LRP1B: variants seen among roughly 807,000 people sequenced by gnomAD.
The protein encoded by LRP1B is low-density lipoprotein receptor-related protein 1B.
LRP1B carries 217 observed loss-of-function variants against 556.6 expected under a neutral mutation model. The observed-to-expected ratio is 0.39, with a 90% CI of 0.35 to 0.44. The LOEUF (loss-of-function observed/expected upper bound fraction) is 0.44. LRP1B is among the 20% of genes least tolerant of loss of function. LRP1B has a pLI of 1.00. For missense variants in LRP1B, 5,053 were observed against 5,620.8 expected, an observed-to-expected ratio of 0.90 and a Z score of 3.23; for synonymous variants, 2,047 against 1,865.8, an observed-to-expected ratio of 1.10 and a Z score of -2.50.
In LRP1B at chr2:141,989,490, G is replaced by GT; in HGVS notation, c.82+141157dup. 1.3e-5 allele frequency among the ~76,000 whole-genome samples: 2 copies of GT among 152,100 alleles called. 1 individual carries two copies. Among genetic ancestry groups the GT allele is most frequent in the South Asian group, 4.1e-4 (2 of 4,824 alleles). ...ATATTACATTTTTATATATATGTCA[G>GT]TTTTTCTATTTTATATTCTTTTAAG... is the stretch of plus-strand genomic sequence containing the variant. On this transcript the variant is annotated intron_variant, in intron 1 of 90. Coordinates refer to ENST00000389484, the MANE Select transcript of LRP1B (RefSeq NM_018557.3).
chr2:141,552,546 C>T (rs1480228723), intron 2 of LRP1B, among the ~76,000 whole-genome samples: 1 of 152,060 alleles, frequency 6.6e-6, no homozygotes, highest in Non-Finnish European at 1.5e-5. Flanking sequence ...GATTCTTCCA[C>T]AGCTTACCTA....
intron 2 of LRP1B, among the ~76,000 whole-genome samples, chr2:141,665,304 C>T (rs1690384015): frequency 6.6e-6 from 1 of 152,112 alleles, no homozygotes; most frequent in African/African-American, 2.4e-5. Context: ...AGAAGACATA[C>T]ATGCAGCCAA....
intron 25 of LRP1B, among the ~76,000 whole-genome samples, chr2:140,879,243 A>C (rs955765258): frequency 6.6e-6 from 1 of 152,160 alleles, no homozygotes; most frequent in African/African-American, 2.4e-5. Context: ...TGGAGAGTCC[A>C]ACTATCCATC....
chr2:140,726,212 G>A (rs1316249518), intron 35 of LRP1B, among the ~76,000 whole-genome samples: 1 of 152,088 alleles, frequency 6.6e-6, no homozygotes, highest in Non-Finnish European at 1.5e-5. Flanking sequence ...TAGTGGTTCA[G>A]TACTAAAGAG....
At chr2:141,362,846 A>G (rs1341661073) in intron 3 of LRP1B, among the ~76,000 whole-genome samples, 1 of 151,770 alleles carries the variant, frequency 6.6e-6, no homozygotes, top group Non-Finnish European at 1.5e-5. Flanking sequence ...TAACGTAATG[A>G]TGTGTTTCAT....
chr2:141,329,702 G>A (rs187434390), intron 3 of LRP1B, among the ~76,000 whole-genome samples: 177 of 151,982 alleles, frequency 1.2e-3, no homozygotes, highest in African/African-American at 4.0e-3. Context: ...GAGGCTTAGG[G>A]TAAGGATACC....
At chr2:141,447,626 C>CTA (rs1559075304) in intron 3 of LRP1B, among the ~76,000 whole-genome samples, 4 of 152,266 alleles carry the variant, frequency 2.6e-5, no homozygotes, top group Admixed American at 1.3e-4. Context: ...GATGTTGATG[C>CTA]TATTCCTTTC....
intron 15 of LRP1B, among the ~76,000 whole-genome samples, chr2:140,998,975 G>C (rs1337371642): frequency 1.3e-5 from 2 of 151,992 alleles, no homozygotes; most frequent in African/African-American, 4.8e-5. Flanking sequence ...AGTAATGAGA[G>C]GTTAGTGGCA....
intron 3 of LRP1B, among the ~76,000 whole-genome samples, chr2:141,476,719 C>A (rs967478829): frequency 2.0e-4 from 30 of 152,066 alleles, no homozygotes; most frequent in African/African-American, 6.8e-4. Context: ...TCAGTTGATA[C>A]AAAAACATTC....
chr2:141,083,255 G>A (rs1472817948), intron 7 of LRP1B, among the ~76,000 whole-genome samples: 2 of 151,920 alleles, frequency 1.3e-5, no homozygotes, highest in Admixed American at 6.6e-5. Flanking sequence ...TTGAGAAGTA[G>A]TATTCTAGCA....
At chr2:140,720,177 T>C (rs1037855454) in intron 35 of LRP1B, among the ~76,000 whole-genome samples, 2 of 152,022 alleles carry the variant, frequency 1.3e-5, no homozygotes. Context: ...TCTTAGTTTG[T>C]GCTAAGAATT....
intron 43 of LRP1B, among the ~76,000 whole-genome samples, chr2:140,575,089 G>T (rs1433562531): frequency 6.6e-6 from 1 of 152,064 alleles, no homozygotes; most frequent in African/African-American, 2.4e-5. Context: ...TTCGCCCTGG[G>T]GATGCTTTAT....
At chr2:140,676,442 T>C (rs1450545888) in intron 41 of LRP1B, among the ~76,000 whole-genome samples, 1 of 152,232 alleles carries the variant, frequency 6.6e-6, no homozygotes, top group African/African-American at 2.4e-5. Context: ...TAGAATACTT[T>C]TTTTTAAAAT....
chr2:140,865,163 A>G (rs1292955490), intron 27 of LRP1B, among the ~76,000 whole-genome samples: 2 of 152,022 alleles, frequency 1.3e-5, no homozygotes, highest in African/African-American at 4.8e-5. Context: ...ATATATTTCT[A>G]AAATATTCTG....
intron 29 of LRP1B, among the ~76,000 whole-genome samples, chr2:140,847,522 A>AGG (rs1373682084): frequency 1.3e-5 from 2 of 152,138 alleles, no homozygotes; most frequent in Non-Finnish European, 2.9e-5. Flanking sequence ...TAATCCCAGC[A>AGG]CTTTGGGAGA....
intron 29 of LRP1B, among the ~76,000 whole-genome samples, chr2:140,845,609 T>C (rs2105108111): frequency 6.6e-6 from 1 of 152,108 alleles, no homozygotes; most frequent in Admixed American, 6.5e-5. Context: ...TTATTATATG[T>C]AGGATAAAGA....
chr2:142,068,330 G>T (rs571827893), intron 1 of LRP1B, among the ~76,000 whole-genome samples: 1 of 151,492 alleles, frequency 6.6e-6, no homozygotes. Context: ...GACTAAGGAG[G>T]ATTTAATGTT....
chr2:140,323,176 G>A (rs984317912), intron 81 of LRP1B, among the ~76,000 whole-genome samples: 2 of 151,920 alleles, frequency 1.3e-5, no homozygotes, highest in East Asian at 1.9e-4. Context: ...CTTGAAGAGC[G>A]AACTGATCAT....
intron 2 of LRP1B, among the ~76,000 whole-genome samples, chr2:141,521,928 C>T (rs751140585): frequency 2.0e-5 from 3 of 152,078 alleles, no homozygotes; most frequent in Non-Finnish European, 4.4e-5. Flanking sequence ...TGTACAGCAT[C>T]ATGCTAGGTT....
Sources: gnomAD v4.1 joint callset for allele counts (sites outside exome capture counted in the v4.1 genomes callset) on GRCh38, gnomAD v4.1.1 for gene constraint, MANE v1.5 for transcripts, NCBI Gene and HGNC (gene_info 2026-07-23, HGNC 2026-07-21) for gene names.